Variants in NRG1 observed in about 807,000 individuals in gnomAD.
NRG1 encodes the protein neuregulin 1.
A neutral mutation model predicts 63.8 loss-of-function variants in NRG1; 18 were observed. The observed-to-expected ratio is 0.28, with a 90% confidence interval of 0.19 to 0.42. NRG1 has a LOEUF of 0.42. Among genes scored for constraint, NRG1 ranks in the 10% least tolerant of loss-of-function variants. NRG1 has a pLI of 1.00. For missense variants in NRG1, 762 were observed against 814.7 expected, an observed-to-expected ratio of 0.94 and a Z score of 0.79; for synonymous variants, 302 against 301.3, an observed-to-expected ratio of 1.00 and a Z score of -0.02.
intron 1 of NRG1, among the ~76,000 whole-genome samples, chr8:31,860,097 C>G (rs533609778): frequency 6.6e-6 from 1 of 152,278 alleles, no homozygotes; most frequent in Non-Finnish European, 1.5e-5. Flanking sequence ...ATGTATTTGT[C>G]ATGCAAAGAA....
chr8:32,307,911 A>T (rs1419265860), intron 1 of NRG1, among the ~76,000 whole-genome samples: 1 of 152,134 alleles, frequency 6.6e-6, no homozygotes. Context: ...AACCTCTCCG[A>T]CACTGACCAC....
chr8:31,920,248 T>C (rs1833786446), intron 1 of NRG1, among the ~76,000 whole-genome samples: 1 of 152,174 alleles, frequency 6.6e-6, no homozygotes, highest in African/African-American at 2.4e-5. Context: ...AGTTGCACTG[T>C]ACATAAATAT....
intron 1 of NRG1, among the ~76,000 whole-genome samples, chr8:32,388,103 T>G (rs1811251297): frequency 6.6e-6 from 1 of 152,230 alleles, no homozygotes; most frequent in African/African-American, 2.4e-5. Context: ...CTCATTAGCC[T>G]TATTCAGCAC....
At chr8:31,949,930 C>A (rs1803208122) in intron 1 of NRG1, among the ~76,000 whole-genome samples, 3 of 152,212 alleles carry the variant, frequency 2.0e-5, no homozygotes, top group Admixed American at 6.5e-5. Flanking sequence ...ATCTATGATT[C>A]CTCATTTATC....
At chr8:32,145,275 G>C (rs1388261844) in intron 1 of NRG1, among the ~76,000 whole-genome samples, 3 of 152,126 alleles carry the variant, frequency 2.0e-5, no homozygotes, top group Non-Finnish European at 4.4e-5. Flanking sequence ...TGAGATACCT[G>C]AACCAGAAGC....
At chr8:32,464,944 G>A (rs550788666) in intron 1 of NRG1, among the ~76,000 whole-genome samples, 1 of 152,268 alleles carries the variant, frequency 6.6e-6, no homozygotes, top group East Asian at 1.9e-4. Context: ...GGAGGCCGAG[G>A]TGGGTGGATC....
chr8:32,130,592 A>G (rs1282321681), intron 1 of NRG1, among the ~76,000 whole-genome samples: 1 of 151,906 alleles, frequency 6.6e-6, no homozygotes, highest in Non-Finnish European at 1.5e-5. Flanking sequence ...GGCATAAATT[A>G]TCTTTCAGAT....
intron 1 of NRG1, among the ~76,000 whole-genome samples, chr8:32,264,302 T>G (rs1850687760): frequency 6.6e-6 from 1 of 152,054 alleles, no homozygotes; most frequent in South Asian, 2.1e-4. Flanking sequence ...TATATAAATG[T>G]AAAGAGTTAA....
chr8:32,563,943 A>G (rs1241099752), intron 1 of NRG1, among the ~76,000 whole-genome samples: 2 of 152,146 alleles, frequency 1.3e-5, no homozygotes, highest in Non-Finnish European at 2.9e-5. Context: ...TAAACTTTCT[A>G]TTACTAAGAT....
intron 1 of NRG1, among the ~76,000 whole-genome samples, chr8:31,930,422 T>C (rs1000700227): frequency 2.6e-5 from 4 of 152,166 alleles, no homozygotes; most frequent in African/African-American, 9.7e-5. Flanking sequence ...TAGAATTCCA[T>C]GTGTGATACA....
intron 1 of NRG1, among the ~76,000 whole-genome samples, chr8:32,466,944 A>T (rs1245526933): frequency 6.6e-6 from 1 of 152,120 alleles, no homozygotes; most frequent in African/African-American, 2.4e-5. Flanking sequence ...TATCATTCAC[A>T]TGTGATCAAT....
intron 1 of NRG1, among the ~76,000 whole-genome samples, chr8:31,855,746 G>A (rs1049465495): frequency 1.3e-5 from 2 of 152,134 alleles, no homozygotes; most frequent in Admixed American, 1.3e-4. Context: ...TGCAGCGGCT[G>A]GTACCGGTTG....
Position 31,639,878 on chromosome 8 carries a change from G to C in NRG1, c.37+447G>C, listed in dbSNP as rs78335946. ...AAATAAATAAAAGGAGGAGGGCAAG[G>C]GGGGAGGAGGAGGAGTGGTGCTGCG... is the stretch of plus-strand genomic sequence containing the variant. On this transcript the variant is annotated intron_variant, in intron 1 of 10. Coordinates refer to the NRG1 transcript ENST00000519301. 1,945 of 1,094,314 alleles carry C rather than the reference G, an allele frequency of 1.8e-3. 34 individuals carry two copies. In the African/African-American group the frequency reaches 0.029, roughly 16 times the overall value. The allele number at this position is 1,094,314 out of a possible 1,614,324, so 67.8% of individuals were successfully genotyped here.
intron 1 of NRG1, among the ~76,000 whole-genome samples, chr8:31,886,811 G>A (rs1830753571): frequency 6.6e-6 from 1 of 152,022 alleles, no homozygotes; most frequent in South Asian, 2.1e-4. Context: ...TCTTGGAGAA[G>A]CAACACAGTG....
intron 1 of NRG1, among the ~76,000 whole-genome samples, chr8:31,872,861 A>G (rs1023564923): frequency 6.6e-6 from 1 of 152,224 alleles, no homozygotes; most frequent in Non-Finnish European, 1.5e-5. Flanking sequence ...ACATCCAAGT[A>G]TTTAATCATG....
At chr8:32,169,906 G>A (rs977836695) in intron 1 of NRG1, among the ~76,000 whole-genome samples, 1 of 152,188 alleles carries the variant, frequency 6.6e-6, no homozygotes. Flanking sequence ...TAGTAAAGAT[G>A]AGGTTATACT....
chr8:32,763,771 C>A, exon 12 of NRG1: 1 of 1,561,616 alleles, frequency 6.4e-7, no homozygotes. Context: ...ATGACCACCC[C>A]GGCTCGTATG....
At chr8:31,657,287 C>G (rs1449301628) in intron 1 of NRG1, among the ~76,000 whole-genome samples, 2 of 152,034 alleles carry the variant, frequency 1.3e-5, no homozygotes, top group Non-Finnish European at 2.9e-5. Context: ...CCACACGTTA[C>G]AAATTTTTAA....
rs553161984 is a variant in NRG1 at position 32,759,335 on chromosome 8, T to C, written c.951T>C (p.Ser317=). ...ACGTATCTAAAAACGTCATCTCCAG[T>C]GAGCATATTGTTGAGAGAGAAGCAG... Residue 317 remains serine (S), a synonymous_variant, in exon 10 of 12, where the codon AGT becomes AGC. Transcript: ENST00000356819. 2.5e-6 allele frequency: 4 copies of C among 1,613,886 alleles called. No homozygotes were observed. The East Asian group carries it at 6.7e-5, about 27-fold the overall frequency.
Sources: allele counts gnomAD v4.1 joint callset (sites outside exome capture counted in the v4.1 genomes callset), GRCh38; gene constraint gnomAD v4.1.1; transcripts MANE v1.5; gene names NCBI Gene and HGNC (gene_info 2026-07-23, HGNC 2026-07-21).